NPHP3: variants seen among roughly 807,000 people sequenced by gnomAD.
NPHP3 encodes nephrocystin-3.
NPHP3 carries 123 observed loss-of-function variants against 171.9 expected under a neutral mutation model. That is an observed-to-expected ratio of 0.72 (90% CI 0.62 to 0.83). NPHP3 has a LOEUF of 0.83. Ranked by LOEUF, NPHP3 falls within the 40% of genes least tolerant of loss-of-function variation. NPHP3 has a pLI of 0.00. For missense variants in NPHP3, 1,506 were observed against 1,591.9 expected (o/e 0.95, Z 0.92); for synonymous variants, 558 against 579.2 (o/e 0.96, Z 0.52).
rs199578948 is a variant in NPHP3 at position 132,703,503 on chromosome 3, GAATGT to G, written c.1524+690_1524+694del. Among the ~76,000 whole-genome samples the G allele has an allele frequency of 1.8e-4, 27 of 151,476 alleles. 1 individual carries two copies. The highest frequency in any genetic ancestry group is 1.5e-3 in the East Asian group (8 of 5,162). On this transcript the variant is annotated intron_variant, in intron 9 of 26. Transcript: ENST00000337331. The stretch of plus-strand genomic sequence containing the variant: ...CATGAACTACTATGCTTTGTTTTCT[GAATGT>G]AATATTTTGATTCAAGAATTGGAAG...
chr3:132,683,302 T>C, intron 25 of NPHP3, 97 bp downstream of exon 25: 1 of 1,116,100 alleles, frequency 9.0e-7, no homozygotes, highest in South Asian at 1.3e-5. Flanking sequence ...TTAAATTGTC[T>C]TTCATTCTAT....
In NPHP3 at chr3:132,704,343, A is replaced by T. The variant is rs1183462610; in HGVS notation, c.1379T>A (p.Leu460Ter). 1 of 1,614,052 alleles carries T rather than the reference A, an allele frequency of 6.2e-7. No homozygotes were observed. Among genetic ancestry groups the T allele is most frequent in the Non-Finnish European group, 8.5e-7 (1 of 1,180,042 alleles). Residue 460 changes from leucine to a stop codon, truncating the protein, a stop_gained, in exon 9 of 27, where the codon TTG (leucine) becomes TAG (stop). Transcript: ENST00000337331. LOFTEE classifies it high-confidence loss of function. The part of the protein sequence containing the change: ...QDILGFENTD[L>*]ETKDLGSEDS... ...CTCACTGCCCAAATCCTTAGTCTCC[A>T]AGTCTGTGTTCTCAAAACCCAGTAT...
rs767716649 is a variant in NPHP3, at chr3:132,697,313, A to G, written c.2035T>C (p.Ser679Pro). ...LDPLSPKDAKSIIIAECHSVD... is the reference protein window; with the variant it reads ...LDPLSPKDAKPIIIAECHSVD... Reference sequence around the variant, plus strand: ...GAGTGGCATTCTGCAATTATAATAGATTTTGCATCTTTTGGACTTAAGGGA... The same window carrying G: ...GAGTGGCATTCTGCAATTATAATAGGTTTTGCATCTTTTGGACTTAAGGGA... Residue 679 changes from serine (S) to proline (P), a missense_variant, in exon 14 of 27, where the codon TCT becomes CCT. Coordinates refer to ENST00000337331, the MANE Select transcript of NPHP3 (RefSeq NM_153240.5). 6.2e-7 allele frequency: 1 copy of G among 1,612,676 alleles called. No individual in the cohort carries two copies. Among genetic ancestry groups the G allele is most frequent in the Non-Finnish European group, 8.5e-7 (1 of 1,179,620 alleles).
At chr3:132,699,489 A>T in intron 12 of NPHP3, 39 bp from the exon 13 acceptor site, 1 of 1,332,992 alleles carries the variant, frequency 7.5e-7, no homozygotes, top group Non-Finnish European at 1.1e-6. Context: ...TATTAATCAA[A>T]ATATTTCAAA....
intron 9 of NPHP3, among the ~76,000 whole-genome samples, chr3:132,703,708 T>C (rs1220770030): frequency 5.3e-5 from 8 of 151,962 alleles, no homozygotes. Context: ...GCCTCCCAAG[T>C]AGCTGGGATT....
At chr3:132,717,201 C>A in intron 3 of NPHP3, 1 of 333,936 alleles carries the variant, frequency 3.0e-6, no homozygotes, top group Non-Finnish European at 5.6e-6. Flanking sequence ...AAACATTTTA[C>A]AAAAAAAAAT....
At position 132,688,816 on chromosome 3, in the gene NPHP3, A is replaced by G. The variant is rs1225858269; in HGVS notation, c.2959T>C (p.Ser987Pro). ...TATACACTTGCTAGTTGGTGGAGGG[A>G]CTGGGCTACTCTTGGGTGATCGGGA... ...LDPDHPRVAQ[S>P]LHQLASVYVQ... is the part of the protein sequence containing the mutation. Residue 987 changes from serine to proline, a missense_variant, in exon 21 of 27, where the codon TCC (serine) becomes CCC (proline). By Grantham distance (74) the Ser-to-Pro change is moderately conservative. This residue lies in a region of NPHP3 where 569 missense variants were observed against 648.1 expected (regional missense o/e 0.88). Transcript: ENST00000337331. 2 of 1,614,030 alleles carry G rather than the reference A, an allele frequency of 1.2e-6. No homozygotes were observed. Among genetic ancestry groups the G allele is most frequent in the African/African-American group, 2.7e-5 (2 of 74,984 alleles).
Position 132,722,100 on chromosome 3 carries a change from A to G in NPHP3, c.256T>C (p.Tyr86His), listed in dbSNP as rs1297061938. 18 of 1,607,780 alleles carry G rather than the reference A, an allele frequency of 1.1e-5. No homozygotes were observed. Among genetic ancestry groups the G allele is most frequent in the Non-Finnish European group, 1.4e-5 (16 of 1,179,530 alleles). ...AGCCGCTCGTACTCGGCCGCCGCGTACTCCAGCTCTGGCACCGACGAGCCA... is the reference window on the plus strand; with the variant it reads ...AGCCGCTCGTACTCGGCCGCCGCGTGCTCCAGCTCTGGCACCGACGAGCCA... ...STGSSVPELE[Y>H]AAAEYERLRK... is the part of the protein sequence containing the mutation. Residue 86 changes from tyrosine to histidine, a missense_variant, in exon 1 of 27, where the codon TAC (tyrosine) becomes CAC (histidine). By Grantham distance (83) the Tyr-to-His change is moderately conservative. This residue lies in a region of NPHP3 where 930 missense variants were observed against 924.9 expected (regional missense o/e 1.01). Coordinates refer to ENST00000337331, the MANE Select transcript of NPHP3 (RefSeq NM_153240.5).
At chr3:132,689,353 A>T in intron 19 of NPHP3, 90 bp from the exon 20 acceptor site, 6 of 1,371,626 alleles carry the variant, frequency 4.4e-6, no homozygotes, top group Non-Finnish European at 6.2e-6. Context: ...CAAGTTATTG[A>T]CAATTTATTA....
At chr3:132,701,956 G>A (rs578262094) in intron 9 of NPHP3, among the ~76,000 whole-genome samples, 2 of 152,302 alleles carry the variant, frequency 1.3e-5, no homozygotes, top group African/African-American at 4.8e-5. Flanking sequence ...AACCCGGGAG[G>A]TGGAGCTTGC....
At chr3:132,712,289 C>G (rs1939929904) in intron 6 of NPHP3, among the ~76,000 whole-genome samples, 2 of 152,138 alleles carry the variant, frequency 1.3e-5, no homozygotes, top group South Asian at 4.1e-4. Flanking sequence ...ATACATAGTT[C>G]AAATACCTCT....
intron 7 of NPHP3, among the ~76,000 whole-genome samples, chr3:132,706,160 C>T (rs1939743432): frequency 6.6e-6 from 1 of 151,912 alleles, no homozygotes; most frequent in Non-Finnish European, 1.5e-5. Flanking sequence ...GAGATCAAGA[C>T]CATCCTGGCT....
In NPHP3 at chr3:132,694,836, T is replaced by C; in HGVS notation, c.2301A>G (p.Leu767=). Residue 767 remains leucine (L), a synonymous_variant, in exon 16 of 27, where the codon CTA becomes CTG. Transcript: ENST00000337331. Reference sequence around the variant, plus strand: ...GTTTATTACATTCTACCTGCTTCATTAGCTCTTTATCCACATCATTTGCCA... The same window carrying C: ...GTTTATTACATTCTACCTGCTTCATCAGCTCTTTATCCACATCATTTGCCA... The part of the protein sequence containing the change: ...ESMANDVDKE[L]MKQILCLVNV... 10 of 1,613,484 alleles carry C rather than the reference T, an allele frequency of 6.2e-6. No individual in the cohort carries two copies. The highest frequency in any genetic ancestry group is 8.5e-6 in the Non-Finnish European group (10 of 1,179,952).
Position 132,701,650 on chromosome 3 carries a change from T to C in NPHP3, c.1525-117A>G, listed in dbSNP as rs1004020828. On this transcript the variant is annotated intron_variant, in intron 9 of 26. Coordinates refer to ENST00000337331, the MANE Select transcript of NPHP3 (RefSeq NM_153240.5). ...AGAAAAGCTGTGTGAGAAAATGAAA[T>C]CTATTTTTAGTGACAGCACCCTCAT... 12 of 756,608 alleles carry C rather than the reference T, an allele frequency of 1.6e-5. No homozygotes were observed. The African/African-American group carries it at 2.0e-4, about 12-fold the overall frequency. 46.9% of individuals were successfully genotyped at this position (756,608 alleles called of 1,614,324 possible). A position where few individuals can be genotyped will look rare whatever the true frequency, so the allele number is the denominator to read the frequency against.
At chr3:132,691,890 T>A (rs774918841) in intron 17 of NPHP3, among the ~76,000 whole-genome samples, 1 of 152,190 alleles carries the variant, frequency 6.6e-6, no homozygotes, top group Non-Finnish European at 1.5e-5. Context: ...TAGATAGGCA[T>A]TAATCCATGA....
intron 19 of NPHP3, 39 bp from the exon 20 acceptor site, chr3:132,689,302 C>T: frequency 6.3e-7 from 1 of 1,593,982 alleles, no homozygotes; most frequent in Non-Finnish European, 8.6e-7. Flanking sequence ...GAAAAACACA[C>T]TTTAAAATCC....
At chr3:132,712,447 A>T in intron 6 of NPHP3, 1 of 457,026 alleles carries the variant, frequency 2.2e-6, no homozygotes, top group Non-Finnish European at 4.4e-6. Flanking sequence ...CAACTTTGCT[A>T]TTATAGTATG....
intron 13 of NPHP3, among the ~76,000 whole-genome samples, chr3:132,697,627 T>C (rs1376381826): frequency 6.6e-6 from 1 of 152,230 alleles, no homozygotes; most frequent in Non-Finnish European, 1.5e-5. Flanking sequence ...AAAACATTTC[T>C]AGTTCTATGT....
At chr3:132,716,973 A>C in intron 3 of NPHP3, 64 bp from the exon 4 acceptor site, 2 of 1,492,740 alleles carry the variant, frequency 1.3e-6, no homozygotes, top group Non-Finnish European at 1.9e-6. Flanking sequence ...AACTCATCAC[A>C]TATACCGAAC....
Sources: gnomAD v4.1 joint callset for allele counts (sites outside exome capture counted in the v4.1 genomes callset) on GRCh38, gnomAD v4.1.1 for gene constraint, gnomAD v4.1.1 regional missense constraint, MANE v1.5 for transcripts, NCBI Gene and HGNC (gene_info 2026-07-23, HGNC 2026-07-21) for gene names.